Variants in ZNF277 observed in about 807,000 individuals in gnomAD.
ZNF277 encodes the protein nuclear receptor-interacting factor 4.
Under a neutral mutation model 60.7 loss-of-function variants are expected in ZNF277, and 55 were observed. That is an observed-to-expected ratio of 0.91 (90% CI 0.73 to 1.13). The LOEUF (loss-of-function observed/expected upper bound fraction) is 1.13, where lower values mean the gene tolerates loss of function less well. Ranked by LOEUF, ZNF277 falls within the 50% of genes most tolerant of loss-of-function variation. ZNF277 has a pLI of 0.00. For missense variants in ZNF277, 510 were observed against 523.0 expected, an observed-to-expected ratio of 0.98 and a Z score of 0.24; for synonymous variants, 178 against 179.3, an observed-to-expected ratio of 0.99 and a Z score of 0.06.
At chr7:112,318,319 A>G (rs1373700943) in intron 5 of ZNF277, 46 bp downstream of exon 5, 1 of 1,508,740 alleles carries the variant, frequency 6.6e-7, no homozygotes, top group Admixed American at 1.7e-5. Context: ...TAATCTGAAA[A>G]CTCATCAGAA....
At position 112,206,773 on chromosome 7, in the gene ZNF277, G is replaced by T; in HGVS notation, c.57G>T (p.Gly19=). The part of the protein sequence containing the change: ...AVARMQEDRD[G]SCSTVGGVGY... ...CCCGAATGCAGGAAGACCGTGATGG[G>T]AGCTGCAGCACAGTCGGGGGTGTAG... Residue 19 remains glycine, a synonymous_variant, in exon 1 of 12, where the codon GGG becomes GGT. Transcript: ENST00000361822. The T allele has an allele frequency of 6.2e-7, 1 of 1,613,244 alleles. No individual in the cohort carries two copies. Among genetic ancestry groups the T allele is most frequent in the Non-Finnish European group, 8.5e-7 (1 of 1,179,668 alleles).
chr7:112,298,771 G>C (rs1475677440), intron 4 of ZNF277, among the ~76,000 whole-genome samples: 1 of 152,142 alleles, frequency 6.6e-6, no homozygotes, highest in Non-Finnish European at 1.5e-5. Context: ...ATTAAATGCC[G>C]TTCTATTTAT....
At chr7:112,320,241 G>A (rs527454920) in intron 5 of ZNF277, among the ~76,000 whole-genome samples, 5 of 152,198 alleles carry the variant, frequency 3.3e-5, no homozygotes, top group African/African-American at 1.2e-4. Context: ...TCTGCATTCT[G>A]TATTGAGTAG....
chr7:112,220,955 A>G (rs1340785217), intron 1 of ZNF277, among the ~76,000 whole-genome samples: 1 of 152,008 alleles, frequency 6.6e-6, no homozygotes, highest in Non-Finnish European at 1.5e-5. Context: ...TTTTCACTCT[A>G]TTAAACCTTC....
Position 112,228,623 on chromosome 7 carries a change from G to A in ZNF277, c.91+21816G>A, listed in dbSNP as rs148088167. On this transcript the variant is annotated intron_variant, in intron 1 of 11. Coordinates refer to ENST00000361822, the MANE Select transcript of ZNF277 (RefSeq NM_021994.3). Reference sequence around the variant, plus strand: ...TGAATGGAGCATATTAAATATGCATGGTCTTTTATGCCAGGCTTTTCCAAC... The same window carrying A: ...TGAATGGAGCATATTAAATATGCATAGTCTTTTATGCCAGGCTTTTCCAAC... 5.3e-5 allele frequency among the ~76,000 whole-genome samples: 8 copies of A among 151,556 alleles called. No homozygotes were observed. The East Asian group carries it at 1.6e-3, about 29-fold the overall frequency.
intron 4 of ZNF277, among the ~76,000 whole-genome samples, chr7:112,313,611 T>C (rs1026320951): frequency 6.6e-6 from 1 of 152,104 alleles, no homozygotes; most frequent in African/African-American, 2.4e-5. Flanking sequence ...TTTGTAAAAA[T>C]TGTCTGTTGT....
At chr7:112,322,780 T>G (rs1038815511) in intron 5 of ZNF277, among the ~76,000 whole-genome samples, 1 of 152,122 alleles carries the variant, frequency 6.6e-6, no homozygotes, top group Non-Finnish European at 1.5e-5. Flanking sequence ...GTTTCTTATT[T>G]CTTTGTATGT....
At chr7:112,242,957 T>C (rs1469487557) in intron 1 of ZNF277, among the ~76,000 whole-genome samples, 2 of 152,044 alleles carry the variant, frequency 1.3e-5, no homozygotes, top group Non-Finnish European at 2.9e-5. Flanking sequence ...AAAAGAATGG[T>C]ACTGGTATAA....
At chr7:112,275,189 A>G (rs1201606350) in intron 1 of ZNF277, among the ~76,000 whole-genome samples, 1 of 152,184 alleles carries the variant, frequency 6.6e-6, no homozygotes. Context: ...TACTGGTAGT[A>G]AGGAAATAAC....
At chr7:112,231,980 C>T (rs1167156061) in intron 1 of ZNF277, among the ~76,000 whole-genome samples, 1 of 147,860 alleles carries the variant, frequency 6.8e-6, no homozygotes, top group African/African-American at 2.5e-5. Flanking sequence ...TTGTTTTCTC[C>T]AATTACCTCC....
chr7:112,252,092 A>G (rs1013265191), intron 1 of ZNF277, among the ~76,000 whole-genome samples: 2 of 152,220 alleles, frequency 1.3e-5, no homozygotes, highest in Non-Finnish European at 2.9e-5. Context: ...TAACTTTTTT[A>G]CACTGATGCA....
chr7:112,237,816 G>A (rs904405461), intron 1 of ZNF277, among the ~76,000 whole-genome samples: 1 of 152,082 alleles, frequency 6.6e-6, no homozygotes, highest in East Asian at 1.9e-4. Flanking sequence ...CCTCCCTAAC[G>A]TATTCTGCAA....
intron 4 of ZNF277, among the ~76,000 whole-genome samples, chr7:112,298,220 G>T (rs559678797): frequency 6.6e-6 from 1 of 152,192 alleles, no homozygotes; most frequent in South Asian, 2.1e-4. Flanking sequence ...AAAATATCTT[G>T]CAGGGCTTAT....
chr7:112,213,649 G>C (rs953846901), intron 1 of ZNF277, among the ~76,000 whole-genome samples: 2 of 152,148 alleles, frequency 1.3e-5, no homozygotes, highest in Non-Finnish European at 2.9e-5. Flanking sequence ...AGAGTAGCTT[G>C]CCCAAAGTCA....
In ZNF277 at chr7:112,337,756, C is replaced by G; in HGVS notation, c.896C>G (p.Pro299Arg). 1 of 1,612,478 alleles carries G rather than the reference C, an allele frequency of 6.2e-7. No individual in the cohort carries two copies. Among genetic ancestry groups the G allele is most frequent in the Non-Finnish European group, 8.5e-7 (1 of 1,179,488 alleles). The change falls in exon 9 of 12, where the codon CCT becomes CGT. Residue 299 changes from proline to arginine, a missense_variant. Coordinates refer to ENST00000361822, the MANE Select transcript of ZNF277 (RefSeq NM_021994.3). ...EDDWSDWEEH[P>R]ASAVCLFCEK... ...GACTGGTCTGATTGGGAAGAACACCCTGCCTCTGCAGTCTGCTTATTTTGT... is the reference window on the plus strand; with the variant it reads ...GACTGGTCTGATTGGGAAGAACACCGTGCCTCTGCAGTCTGCTTATTTTGT...
chr7:112,337,579 A>G, intron 8 of ZNF277, 151 bp from the exon 9 acceptor site: 1 of 528,660 alleles, frequency 1.9e-6, no homozygotes, highest in Non-Finnish European at 3.4e-6. Context: ...TCAGAGAGTC[A>G]TAATATGATG....
chr7:112,336,761 G>A (rs1268484362), intron 8 of ZNF277, among the ~76,000 whole-genome samples: 1 of 152,124 alleles, frequency 6.6e-6, no homozygotes, highest in Non-Finnish European at 1.5e-5. Context: ...GCTGCCATTT[G>A]CTGAATTTTC....
At chr7:112,310,480 T>TGAGAGAGAGAGAGAGAGAGAGAGAGAGA (rs1792702723) in intron 4 of ZNF277, among the ~76,000 whole-genome samples, 1 of 90,952 alleles carries the variant, frequency 1.1e-5, no homozygotes, top group African/African-American at 6.4e-5. Context: ...AGAGAGAGAG[T>TGAGAGAGAGAGAGAGAGAGAGAGAGAGA]GTGTGTGTGT....
Position 112,321,434 on chromosome 7 carries a change from C to T in ZNF277, c.557+3161C>T, listed in dbSNP as rs557918086. Among the ~76,000 whole-genome samples, 6 of 152,152 alleles carry T rather than the reference C, an allele frequency of 3.9e-5. No homozygotes were observed. In the South Asian group the frequency reaches 1.2e-3, roughly 32 times the overall value. On this transcript the variant is annotated intron_variant, in intron 5 of 11. Transcript: ENST00000361822. ...ATTATACCTTTATATATTATCAGCT[C>T]ATGAACATGTTTTCTAATTACTGCT... is the stretch of plus-strand genomic sequence containing the variant.
Sources: gnomAD v4.1 joint callset for allele counts (sites outside exome capture counted in the v4.1 genomes callset) on GRCh38, gnomAD v4.1.1 for gene constraint, MANE v1.5 for transcripts, NCBI Gene and HGNC (gene_info 2026-07-23, HGNC 2026-07-21) for gene names.